The following NRXN3 variants were observed in gnomAD, a reference collection of about 807,000 sequenced individuals.
NRXN3 encodes the protein neurexin 3.
NRXN3 carries 32 observed loss-of-function variants against 137.6 expected under a neutral mutation model. That is an observed-to-expected ratio of 0.23 (90% CI 0.18 to 0.31). The LOEUF (loss-of-function observed/expected upper bound fraction) is 0.31. NRXN3 is among the 10% of genes least tolerant of loss of function. The pLI is 1.00. For missense variants in NRXN3, 1,574 were observed against 2,062.5 expected, an observed-to-expected ratio of 0.76 and a Z score of 4.59; for synonymous variants, 798 against 784.5, an observed-to-expected ratio of 1.02 and a Z score of -0.29.
chr14:79,282,793 C>T (rs1403458986), intron 15 of NRXN3, among the ~76,000 whole-genome samples: 1 of 152,176 alleles, frequency 6.6e-6, no homozygotes, highest in Non-Finnish European at 1.5e-5. Context: ...CTCATGAATT[C>T]AGCTCTTCAG....
At chr14:79,594,512 A>T (rs966908280) in intron 16 of NRXN3, among the ~76,000 whole-genome samples, 1 of 152,224 alleles carries the variant, frequency 6.6e-6, no homozygotes, top group African/African-American at 2.4e-5. Flanking sequence ...TGGTCCATGA[A>T]GTAAGTTATG....
At chr14:79,220,995 C>T (rs145217842) in intron 15 of NRXN3, among the ~76,000 whole-genome samples, 4,155 of 151,794 alleles carry the variant, frequency 0.027, 138 homozygotes, top group South Asian at 0.086. Context: ...CAAGTGAGAA[C>T]ATGCAGTGTT....
intron 15 of NRXN3, among the ~76,000 whole-genome samples, chr14:79,156,807 C>T (rs1037263763): frequency 1.3e-5 from 2 of 151,750 alleles, no homozygotes; most frequent in Non-Finnish European, 2.9e-5. Context: ...ATTAATCTCA[C>T]TCCCATTTCT....
chr14:78,354,898 T>C (rs1410565707), intron 4 of NRXN3, among the ~76,000 whole-genome samples: 1 of 152,164 alleles, frequency 6.6e-6, no homozygotes, highest in Non-Finnish European at 1.5e-5. Flanking sequence ...ACCAAGGGGC[T>C]GAGGGAATCT....
At chr14:79,303,791 A>C (rs1322531664) in intron 15 of NRXN3, among the ~76,000 whole-genome samples, 1 of 152,042 alleles carries the variant, frequency 6.6e-6, no homozygotes, top group African/African-American at 2.4e-5. Context: ...AATATTATTT[A>C]CAAAAGGCAA....
Position 79,864,898 on chromosome 14 carries a change from C to A in NRXN3, c.*2934C>A, listed in dbSNP as rs1444867599. 1 of 152,130 alleles carries A rather than the reference C, an allele frequency of 6.6e-6. No homozygotes were observed. Among genetic ancestry groups the A allele is most frequent in the African/African-American group, 2.4e-5 (1 of 41,390 alleles). 9.4% of individuals were successfully genotyped at this position (152,130 alleles called of 1,614,324 possible). ...CCCCGAGTAGGTGGGACTACAGGTGCCCGCCACCACGCCCGGCTAATTTTT... is the reference window on the plus strand; with the variant it reads ...CCCCGAGTAGGTGGGACTACAGGTGACCGCCACCACGCCCGGCTAATTTTT... On this transcript the variant is annotated 3_prime_UTR_variant, in exon 21 of 21. Coordinates refer to ENST00000335750, the MANE Select transcript of NRXN3 (RefSeq NM_001330195.2).
chr14:79,124,144 G>C (rs184437140), intron 15 of NRXN3, among the ~76,000 whole-genome samples: 2 of 152,100 alleles, frequency 1.3e-5, no homozygotes, highest in African/African-American at 4.8e-5. Context: ...TTGCATCAGC[G>C]CTCAATATAA....
chr14:79,709,156 G>A (rs568066230), intron 19 of NRXN3, among the ~76,000 whole-genome samples: 1 of 152,208 alleles, frequency 6.6e-6, no homozygotes, highest in African/African-American at 2.4e-5. Context: ...CTTCTAACAA[G>A]CTCCCAGATG....
At chr14:78,991,523 A>G in intron 15 of NRXN3, among the ~76,000 whole-genome samples, 1 of 152,246 alleles carries the variant, frequency 6.6e-6, no homozygotes, top group African/African-American at 2.4e-5. Context: ...GCTGTTTCTC[A>G]GGGCAACAGA....
chr14:79,359,895 A>G (rs2093624766), intron 15 of NRXN3, among the ~76,000 whole-genome samples: 1 of 152,204 alleles, frequency 6.6e-6, no homozygotes, highest in Non-Finnish European at 1.5e-5. Flanking sequence ...ACAATGGGAA[A>G]AGACTTTATT....
chr14:79,222,257 G>A (rs113504630), intron 15 of NRXN3, among the ~76,000 whole-genome samples: 2,211 of 152,262 alleles, frequency 0.015, 32 homozygotes, highest in South Asian at 0.033. Context: ...GGTTCCATAT[G>A]AAATATGAAG....
At chr14:78,553,972 A>G (rs893926230) in intron 4 of NRXN3, among the ~76,000 whole-genome samples, 2 of 152,152 alleles carry the variant, frequency 1.3e-5, no homozygotes, top group African/African-American at 4.8e-5. Flanking sequence ...ACTTTTTAAA[A>G]AAGAACCAGA....
intron 15 of NRXN3, among the ~76,000 whole-genome samples, chr14:79,097,179 C>T (rs1204510179): frequency 6.6e-6 from 1 of 152,072 alleles, no homozygotes; most frequent in Non-Finnish European, 1.5e-5. Flanking sequence ...GCAACATGCT[C>T]AACTGAGATA....
intron 8 of NRXN3, among the ~76,000 whole-genome samples, chr14:78,795,904 A>G (rs1040980050): frequency 4.6e-5 from 7 of 152,230 alleles, no homozygotes; most frequent in Non-Finnish European, 7.3e-5. Flanking sequence ...GAAAAATGAG[A>G]GGTGTGATAT....
At chr14:78,496,259 A>G (rs1208318661) in intron 4 of NRXN3, among the ~76,000 whole-genome samples, 1 of 152,218 alleles carries the variant, frequency 6.6e-6, no homozygotes, top group African/African-American at 2.4e-5. Context: ...ATCATAGTTG[A>G]CATTGGGGGA....
At chr14:79,604,294 G>A (rs2097968949) in intron 16 of NRXN3, among the ~76,000 whole-genome samples, 2 of 152,050 alleles carry the variant, frequency 1.3e-5, no homozygotes. Context: ...GAGTGCAGTG[G>A]TGTGATCTCA....
intron 10 of NRXN3, among the ~76,000 whole-genome samples, chr14:78,927,150 C>CTCTTGAG (rs546385554): frequency 2.8e-3 from 308 of 111,648 alleles, no homozygotes; most frequent in East Asian, 5.3e-3. Flanking sequence ...GTGAGACCCT[C>CTCTTGAG]AAAAAAAAAA....
chr14:78,561,307 T>C (rs1231504649), intron 4 of NRXN3, among the ~76,000 whole-genome samples: 1 of 152,194 alleles, frequency 6.6e-6, no homozygotes, highest in Non-Finnish European at 1.5e-5. Flanking sequence ...TTTTCTGTCT[T>C]CTCAGAGAGA....
intron 15 of NRXN3, among the ~76,000 whole-genome samples, chr14:79,005,110 C>G (rs1253077306): frequency 6.6e-6 from 1 of 152,232 alleles, no homozygotes; most frequent in Non-Finnish European, 1.5e-5. Context: ...CCTCCTGACA[C>G]TACTTTCTGT....
Sources: allele counts gnomAD v4.1 joint callset (sites outside exome capture counted in the v4.1 genomes callset), GRCh38; gene constraint gnomAD v4.1.1; transcripts MANE v1.5; gene names NCBI Gene and HGNC (gene_info 2026-07-23, HGNC 2026-07-21).